DNAJC13: variants seen among roughly 807,000 people sequenced by gnomAD.
DNAJC13 encodes the protein dnaJ homolog subfamily C member 13.
In DNAJC13, 75 loss-of-function variants were observed where a neutral mutation model predicts 290.5. That is an observed-to-expected ratio of 0.26 (90% CI 0.21 to 0.31). The LOEUF is 0.31. Among genes scored for constraint, DNAJC13 ranks in the 10% least tolerant of loss-of-function variants. DNAJC13 has a pLI of 1.00. For synonymous variants in DNAJC13, 862 were observed against 892.0 expected (o/e 0.97, Z 0.60); for missense variants, 2,260 against 2,674.5 (o/e 0.85, Z 3.42).
intron 31 of DNAJC13, 125 bp from the exon 32 acceptor site, chr3:132,490,772 A>G (rs939121108): frequency 1.5e-5 from 16 of 1,033,080 alleles, no homozygotes; most frequent in Non-Finnish European, 2.1e-5. Flanking sequence ...TTCCCAAAGC[A>G]TAAAAGCAAT....
intron 2 of DNAJC13, among the ~76,000 whole-genome samples, chr3:132,445,491 C>G (rs1395653277): frequency 6.6e-6 from 1 of 151,888 alleles, no homozygotes; most frequent in Non-Finnish European, 1.5e-5. Flanking sequence ...GCTGTTTTTA[C>G]TCAGTTTTCG....
intron 48 of DNAJC13, among the ~76,000 whole-genome samples, chr3:132,522,436 G>A (rs921656600): frequency 1.3e-5 from 2 of 152,214 alleles, no homozygotes; most frequent in Admixed American, 1.3e-4. Flanking sequence ...TGTGTGGGCA[G>A]GGGCTATAAA....
At chr3:132,484,781 T>A in intron 29 of DNAJC13, 109 bp downstream of exon 29, 1 of 1,025,592 alleles carries the variant, frequency 9.8e-7, no homozygotes, top group Non-Finnish European at 1.5e-6. Context: ...TCAAAAAGCC[T>A]AAATAGGCCA....
intron 20 of DNAJC13, among the ~76,000 whole-genome samples, chr3:132,468,841 A>G (rs1201584972): frequency 6.6e-6 from 1 of 152,202 alleles, no homozygotes; most frequent in Admixed American, 6.5e-5. Context: ...AGTTAAACCG[A>G]TTTCTAAAAT....
intron 12 of DNAJC13, 49 bp from the exon 13 acceptor site, chr3:132,457,220 T>C (rs780187621): frequency 7.5e-7 from 1 of 1,334,452 alleles, no homozygotes; most frequent in Non-Finnish European, 1.0e-6. Flanking sequence ...ATATAACAAT[T>C]TAAAATGTTC....
intron 33 of DNAJC13, among the ~76,000 whole-genome samples, chr3:132,493,830 G>T (rs898666359): frequency 6.6e-6 from 1 of 151,674 alleles, no homozygotes; most frequent in Non-Finnish European, 1.5e-5. Flanking sequence ...TCTTTCACCC[G>T]TAAAGATAAC....
rs142077487 is a variant in DNAJC13, at chr3:132,528,397, C to T, written c.6525+65C>T. 123 of 1,568,816 alleles carry T rather than the reference C, an allele frequency of 7.8e-5. No homozygotes were observed. In the East Asian group the frequency reaches 2.5e-3, roughly 32 times the overall value. ...CAGGGTCTTGGCCATGGATGGTCCACGTACCTGTGTTCAAGTTCCACTTAC... is the reference window on the plus strand; with the variant it reads ...CAGGGTCTTGGCCATGGATGGTCCATGTACCTGTGTTCAAGTTCCACTTAC... On this transcript the variant is annotated intron_variant, in intron 54 of 55. Transcript: ENST00000260818.
chr3:132,459,916 A>G (rs932518046), intron 13 of DNAJC13, among the ~76,000 whole-genome samples: 5 of 152,204 alleles, frequency 3.3e-5, no homozygotes, highest in African/African-American at 1.2e-4. Context: ...TAATTTTAGT[A>G]CATTTAAATG....
intron 47 of DNAJC13, 95 bp downstream of exon 47, chr3:132,516,591 T>C (rs2107737334): frequency 6.5e-7 from 1 of 1,531,744 alleles, no homozygotes; most frequent in Middle Eastern, 1.7e-4. Flanking sequence ...GAAGAATGCT[T>C]TGGAATGTTT....
intron 5 of DNAJC13, among the ~76,000 whole-genome samples, chr3:132,449,235 C>T (rs1284919139): frequency 2.6e-5 from 4 of 152,096 alleles, no homozygotes; most frequent in Non-Finnish European, 4.4e-5. Flanking sequence ...TCCATTTGCC[C>T]TAGATATACT....
At chr3:132,496,878 T>A (rs1559898200) in intron 36 of DNAJC13, among the ~76,000 whole-genome samples, 3 of 152,256 alleles carry the variant, frequency 2.0e-5, no homozygotes, top group Non-Finnish European at 1.5e-5. Context: ...ACTATGTTTT[T>A]CAGTATTTTG....
intron 17 of DNAJC13, 79 bp from the exon 18 acceptor site, chr3:132,465,913 TGTG>T: frequency 1.3e-6 from 1 of 788,118 alleles, no homozygotes; most frequent in Non-Finnish European, 2.0e-6. Flanking sequence ...TTTATAATTA[TGTG>T]ATATTTTGTT....
At chr3:132,535,977 G>T (rs1377959030) in intron 55 of DNAJC13, among the ~76,000 whole-genome samples, 1 of 152,154 alleles carries the variant, frequency 6.6e-6, no homozygotes, top group Non-Finnish European at 1.5e-5. Context: ...AGAGGCAAAT[G>T]ATGGTACTAA....
intron 13 of DNAJC13, 71 bp downstream of exon 13, chr3:132,457,439 A>C (rs954526602): frequency 1.7e-6 from 2 of 1,187,346 alleles, no homozygotes; most frequent in Non-Finnish European, 2.5e-6. Context: ...CCACAGTCCC[A>C]GATTTTCATT....
chr3:132,527,388 G>C (rs1936292552), intron 53 of DNAJC13, among the ~76,000 whole-genome samples: 6 of 152,140 alleles, frequency 3.9e-5, no homozygotes, highest in Admixed American at 3.9e-4. Flanking sequence ...CAGCCCCTCA[G>C]CCTTACCCAC....
chr3:132,489,663 A>G (rs1311342062), intron 31 of DNAJC13, among the ~76,000 whole-genome samples: 1 of 152,152 alleles, frequency 6.6e-6, no homozygotes, highest in Non-Finnish European at 1.5e-5. Context: ...AACCAAAACC[A>G]GACCACTGTT....
At chr3:132,492,158 A>AT (rs1935075372) in intron 32 of DNAJC13, among the ~76,000 whole-genome samples, 1 of 152,064 alleles carries the variant, frequency 6.6e-6, no homozygotes. Flanking sequence ...CTAATGGCTG[A>AT]TTTTTTAATA....
chr3:132,445,377 C>T (rs545609869), intron 2 of DNAJC13, among the ~76,000 whole-genome samples: 3 of 151,852 alleles, frequency 2.0e-5, no homozygotes, highest in South Asian at 2.1e-4. Context: ...TTTTAAAATG[C>T]GACTTGATTG....
chr3:132,508,769 A>G (rs926584250), intron 43 of DNAJC13, among the ~76,000 whole-genome samples: 6 of 152,222 alleles, frequency 3.9e-5, no homozygotes, highest in African/African-American at 1.4e-4. Flanking sequence ...AAAAGTTGAA[A>G]TTATTTTTAA....
Sources: gnomAD v4.1 joint callset for allele counts (sites outside exome capture counted in the v4.1 genomes callset) on GRCh38, gnomAD v4.1.1 for gene constraint, MANE v1.5 for transcripts, NCBI Gene and HGNC (gene_info 2026-07-23, HGNC 2026-07-21) for gene names.